Variants in CDH13 observed in about 807,000 individuals in gnomAD.
The protein encoded by CDH13 is cadherin 13, also known as cadherin-13.
In CDH13, 24 loss-of-function variants were observed where a neutral mutation model predicts 63.8. That is an observed-to-expected ratio of 0.38 (90% CI 0.27 to 0.53). The LOEUF is 0.53. Among genes scored for constraint, CDH13 ranks in the 20% least tolerant of loss-of-function variants. CDH13 has a pLI of 0.85. For synonymous variants in CDH13, 503 were observed against 355.3 expected (o/e 1.42, Z -4.67); for missense variants, 1,049 against 903.1 (o/e 1.16, Z -2.07).
chr16:83,516,567 C>T (rs1270050976), intron 7 of CDH13, among the ~76,000 whole-genome samples: 1 of 152,130 alleles, frequency 6.6e-6, no homozygotes, highest in East Asian at 1.9e-4. Flanking sequence ...TCTTCTCTTC[C>T]TAGACCTGGG....
intron 8 of CDH13, among the ~76,000 whole-genome samples, chr16:83,656,927 A>C (rs1275975401): frequency 1.3e-5 from 2 of 152,212 alleles, no homozygotes. Flanking sequence ...GATGTGGTAC[A>C]TTCTGGGAAT....
At chr16:82,634,816 C>G (rs1318412545) in intron 1 of CDH13, among the ~76,000 whole-genome samples, 1 of 152,164 alleles carries the variant, frequency 6.6e-6, no homozygotes, top group East Asian at 1.9e-4. Context: ...CTCCTAGGCC[C>G]CAAGCACTTG....
chr16:83,732,807 C>T (rs2150953100), intron 10 of CDH13, among the ~76,000 whole-genome samples: 1 of 152,298 alleles, frequency 6.6e-6, no homozygotes, highest in Middle Eastern at 3.4e-3. Flanking sequence ...CACTTGTCAT[C>T]ACAGAGCCTT....
At chr16:83,133,372 C>G (rs1344381964) in intron 4 of CDH13, among the ~76,000 whole-genome samples, 3 of 152,042 alleles carry the variant, frequency 2.0e-5, no homozygotes, top group Non-Finnish European at 4.4e-5. Flanking sequence ...AAACAAATCC[C>G]TTGTATTTCT....
At chr16:83,707,836 C>CAA (rs61067563) in intron 10 of CDH13, among the ~76,000 whole-genome samples, 8,055 of 78,378 alleles carry the variant, frequency 0.1, 845 homozygotes, top group Non-Finnish European at 0.15. Context: ...ACCCTAAAGG[C>CAA]AAAAAAAAAA....
chr16:83,092,104 A>G (rs1288908129), intron 3 of CDH13, among the ~76,000 whole-genome samples: 1 of 152,242 alleles, frequency 6.6e-6, no homozygotes, highest in Non-Finnish European at 1.5e-5. Flanking sequence ...AGTAATTCAT[A>G]TCACTGCATT....
Position 83,779,177 on chromosome 16 carries a change from C to G in CDH13, c.1682-791C>G, listed in dbSNP as rs149281431. Among the ~76,000 whole-genome samples the G allele has an allele frequency of 9.8e-3, 1,486 of 152,040 alleles. 18 individuals carry two copies. The highest frequency in any genetic ancestry group is 0.034 in the African/African-American group (1,414 of 41,498). The stretch of plus-strand genomic sequence containing the variant: ...TTCCCAGCACTTTGGGAGGCCTAGG[C>G]AGGCGGATCACGAGGTCAGGAGTTT... On this transcript the variant is annotated intron_variant, in intron 11 of 13. Transcript: ENST00000567109.
chr16:83,024,503 A>G (rs1915620996), intron 2 of CDH13, among the ~76,000 whole-genome samples: 1 of 152,172 alleles, frequency 6.6e-6, no homozygotes, highest in Admixed American at 6.5e-5. Context: ...TGTGGGCTCT[A>G]GAACCAGAAA....
At chr16:83,213,258 GAGAGAGGGCA>G in intron 4 of CDH13, among the ~76,000 whole-genome samples, 1 of 152,298 alleles carries the variant, frequency 6.6e-6, no homozygotes, top group East Asian at 1.9e-4. Context: ...CAAGCTCTCT[GAGAGAGGGCA>G]AGAAAATGAC....
At chr16:83,337,132 A>G (rs578201918) in intron 5 of CDH13, among the ~76,000 whole-genome samples, 44 of 152,332 alleles carry the variant, frequency 2.9e-4, no homozygotes, top group South Asian at 1.0e-3. Flanking sequence ...TTTTACGTAC[A>G]GCCAATTCCT....
At chr16:83,214,657 A>G (rs965245755) in intron 4 of CDH13, among the ~76,000 whole-genome samples, 2 of 150,124 alleles carry the variant, frequency 1.3e-5, no homozygotes, top group South Asian at 2.1e-4. Flanking sequence ...TTACCCATTA[A>G]CAACAGTGTA....
chr16:83,734,862 G>A (rs1390748561), intron 10 of CDH13, among the ~76,000 whole-genome samples: 3 of 151,900 alleles, frequency 2.0e-5, no homozygotes, highest in African/African-American at 7.2e-5. Flanking sequence ...TTATCCAGAG[G>A]CAGTGGTCTG....
chr16:83,132,763 A>G (rs1439998061), intron 4 of CDH13, among the ~76,000 whole-genome samples: 1 of 152,154 alleles, frequency 6.6e-6, no homozygotes, highest in Non-Finnish European at 1.5e-5. Context: ...TTTATTCAAT[A>G]ACTGAAACTT....
chr16:82,828,993 G>C (rs2038395267), intron 1 of CDH13, among the ~76,000 whole-genome samples: 1 of 152,112 alleles, frequency 6.6e-6, no homozygotes, highest in Non-Finnish European at 1.5e-5. Context: ...CACAAGATTA[G>C]ATACCTTAGG....
chr16:83,657,766 A>T (rs1464107016), intron 8 of CDH13, among the ~76,000 whole-genome samples: 1 of 152,218 alleles, frequency 6.6e-6, no homozygotes, highest in Non-Finnish European at 1.5e-5. Flanking sequence ...ATAGAACAGC[A>T]AGAATTCGCA....
chr16:83,285,933 A>C (rs2089300406), intron 5 of CDH13, among the ~76,000 whole-genome samples: 1 of 152,228 alleles, frequency 6.6e-6, no homozygotes, highest in Non-Finnish European at 1.5e-5. Context: ...AAACAGACCA[A>C]GGAGCGTGGG....
intron 10 of CDH13, among the ~76,000 whole-genome samples, chr16:83,732,411 G>C (rs1020243956): frequency 1.7e-4 from 26 of 152,178 alleles, no homozygotes; most frequent in African/African-American, 6.0e-4. Context: ...TGGGGAACAG[G>C]GTGAGTTGAT....
intron 1 of CDH13, among the ~76,000 whole-genome samples, chr16:82,739,888 G>T (rs2033852874): frequency 6.6e-6 from 1 of 152,128 alleles, no homozygotes; most frequent in South Asian, 2.1e-4. Flanking sequence ...GCCCTGCAAA[G>T]ATACTTGAAC....
intron 6 of CDH13, among the ~76,000 whole-genome samples, chr16:83,355,952 C>T (rs753999142): frequency 4.6e-5 from 7 of 152,174 alleles, no homozygotes; most frequent in Non-Finnish European, 8.8e-5. Flanking sequence ...TCCTTACAAA[C>T]GTTTGACAAT....
Sources: allele counts gnomAD v4.1 joint callset (sites outside exome capture counted in the v4.1 genomes callset), GRCh38; gene constraint gnomAD v4.1.1; transcripts MANE v1.5; gene names NCBI Gene and HGNC (gene_info 2026-07-23, HGNC 2026-07-21).